EBF1: variants seen among roughly 807,000 people sequenced by gnomAD.
EBF1 encodes transcription factor COE1.
EBF1 carries 10 observed loss-of-function variants against 68.4 expected under a neutral mutation model. That is an observed-to-expected ratio of 0.15 (90% CI 0.09 to 0.25). The LOEUF (loss-of-function observed/expected upper bound fraction) is 0.25. Ranked by LOEUF, EBF1 falls within the 10% of genes least tolerant of loss-of-function variation. The probability of loss-of-function intolerance (pLI) is 1.00; values close to 1 mark genes in which losing one functional copy is unlikely to be tolerated. For synonymous variants in EBF1, 298 were observed against 299.8 expected, an observed-to-expected ratio of 0.99 and a Z score of 0.06; for missense variants, 509 against 794.4, an observed-to-expected ratio of 0.64 and a Z score of 4.32.
At chr5:158,940,859 AAAAC>A (rs1813192343) in intron 6 of EBF1, among the ~76,000 whole-genome samples, 5 of 148,502 alleles carry the variant, frequency 3.4e-5, no homozygotes, top group Middle Eastern at 3.5e-3. Flanking sequence ...TCTCTGGAAT[AAAAC>A]CACTCCAGAT....
intron 6 of EBF1, among the ~76,000 whole-genome samples, chr5:159,017,490 C>A (rs1765851432): frequency 6.6e-6 from 1 of 152,226 alleles, no homozygotes. Context: ...TCTCTCTCAA[C>A]CCCCATTCCT....
chr5:158,727,847 C>G (rs932956208), intron 11 of EBF1, among the ~76,000 whole-genome samples: 1 of 152,160 alleles, frequency 6.6e-6, no homozygotes, highest in African/African-American at 2.4e-5. Context: ...AAAGCACATG[C>G]CTGTATACAA....
At chr5:158,814,510 C>A (rs1783332866) in intron 8 of EBF1, among the ~76,000 whole-genome samples, 2 of 152,162 alleles carry the variant, frequency 1.3e-5, no homozygotes, top group Non-Finnish European at 2.9e-5. Flanking sequence ...GCTCAACCAA[C>A]CAAATACTGG....
intron 6 of EBF1, among the ~76,000 whole-genome samples, chr5:158,953,681 T>C (rs1427875711): frequency 1.3e-5 from 2 of 152,168 alleles, no homozygotes; most frequent in African/African-American, 2.4e-5. Flanking sequence ...TTAATTAATC[T>C]GCTGTGTAGG....
At chr5:158,828,877 A>G (rs1275374528) in intron 7 of EBF1, among the ~76,000 whole-genome samples, 1 of 152,240 alleles carries the variant, frequency 6.6e-6, no homozygotes, top group East Asian at 1.9e-4. Flanking sequence ...CTATCAAGCC[A>G]CAGACAGTCA....
intron 6 of EBF1, among the ~76,000 whole-genome samples, chr5:158,881,241 G>A (rs1798843077): frequency 6.6e-6 from 1 of 152,184 alleles, no homozygotes. Flanking sequence ...ACCTTTCTTT[G>A]AATGAATAAA....
chr5:158,730,692 T>G (rs1763920293), intron 11 of EBF1, among the ~76,000 whole-genome samples: 1 of 152,220 alleles, frequency 6.6e-6, no homozygotes, highest in South Asian at 2.1e-4. Flanking sequence ...GATGTAGCGA[T>G]TAAGTAGCCC....
intron 8 of EBF1, among the ~76,000 whole-genome samples, chr5:158,805,321 G>A (rs982179930): frequency 6.6e-6 from 1 of 152,124 alleles, no homozygotes; most frequent in African/African-American, 2.4e-5. Context: ...ATCTTGGCTG[G>A]AGTCGTATTT....
intron 6 of EBF1, among the ~76,000 whole-genome samples, chr5:158,858,244 T>C (rs980688090): frequency 2.0e-5 from 3 of 152,158 alleles, no homozygotes; most frequent in Non-Finnish European, 4.4e-5. Context: ...AAACTTGCAT[T>C]AGTTCAGGTT....
chr5:158,974,146 T>C (rs1756232297), intron 6 of EBF1, among the ~76,000 whole-genome samples: 1 of 152,214 alleles, frequency 6.6e-6, no homozygotes, highest in Non-Finnish European at 1.5e-5. Context: ...GTCAGTACGT[T>C]TGAATAAACC....
At chr5:158,969,024 G>A (rs1289876538) in intron 6 of EBF1, among the ~76,000 whole-genome samples, 1 of 152,196 alleles carries the variant, frequency 6.6e-6, no homozygotes, top group East Asian at 1.9e-4. Context: ...AGGATTGGCT[G>A]AGCACGGTTG....
chr5:158,954,993 T>C (rs1816774197), intron 6 of EBF1, among the ~76,000 whole-genome samples: 1 of 152,082 alleles, frequency 6.6e-6, no homozygotes, highest in Admixed American at 6.5e-5. Context: ...TGCCAAGCAT[T>C]TTTTTTCCCC....
At chr5:158,985,646 A>G (rs368752678) in intron 6 of EBF1, among the ~76,000 whole-genome samples, 1 of 152,072 alleles carries the variant, frequency 6.6e-6, no homozygotes, top group East Asian at 1.9e-4. Flanking sequence ...TTTTCTTTCA[A>G]AGTTCTGGAT....
intron 6 of EBF1, among the ~76,000 whole-genome samples, chr5:158,964,802 G>A (rs1753778988): frequency 6.6e-6 from 1 of 152,186 alleles, no homozygotes. Context: ...GTTTACTCCA[G>A]AGGAGCAACT....
chr5:158,741,231 C>T (rs1403160009), intron 10 of EBF1, among the ~76,000 whole-genome samples: 1 of 151,816 alleles, frequency 6.6e-6, no homozygotes, highest in Non-Finnish European at 1.5e-5. Flanking sequence ...TTTTTGTAAC[C>T]ACAGTAAATG....
intron 6 of EBF1, among the ~76,000 whole-genome samples, chr5:158,939,715 T>C (rs1431243109): frequency 7.1e-6 from 1 of 141,770 alleles, no homozygotes; most frequent in Non-Finnish European, 1.5e-5. Flanking sequence ...TCAGCGAATA[T>C]CAGTAGTCAT....
chr5:159,066,911 C>T (rs9313799), intron 6 of EBF1, among the ~76,000 whole-genome samples: 16 of 152,034 alleles, frequency 1.1e-4, no homozygotes, highest in African/African-American at 1.9e-4. Context: ...TATGTAGTTA[C>T]GCGGTTTGTA....
intron 6 of EBF1, among the ~76,000 whole-genome samples, chr5:158,857,592 CA>C (rs1162994407): frequency 2.7e-5 from 4 of 150,182 alleles, no homozygotes; most frequent in African/African-American, 4.9e-5. Flanking sequence ...AAGAACTAAG[CA>C]AAAAAAAAGT....
At chr5:158,824,270 T>C (rs1438709696) in intron 7 of EBF1, among the ~76,000 whole-genome samples, 1 of 152,242 alleles carries the variant, frequency 6.6e-6, no homozygotes, top group East Asian at 1.9e-4. Flanking sequence ...CCTATTATGT[T>C]GACTAATTAA....
Sources: gnomAD v4.1 joint callset for allele counts (sites outside exome capture counted in the v4.1 genomes callset) on GRCh38, gnomAD v4.1.1 for gene constraint, MANE v1.5 for transcripts, NCBI Gene and HGNC (gene_info 2026-07-23, HGNC 2026-07-21) for gene names.